MEI4: variants seen among roughly 807,000 people sequenced by gnomAD.
MEI4 encodes meiotic double-stranded break formation protein 4.
MEI4 carries 27 observed loss-of-function variants against 31.4 expected under a neutral mutation model. The observed-to-expected ratio is 0.86, with a 90% CI of 0.63 to 1.19. MEI4 has a LOEUF of 1.19. MEI4 is among the 50% of genes most tolerant of loss of function. The pLI is 0.00. For synonymous variants in MEI4, 122 were observed against 145.4 expected (o/e 0.84, Z 1.16); for missense variants, 329 against 398.9 (o/e 0.82, Z 1.49).
intron 4 of MEI4, among the ~76,000 whole-genome samples, chr6:77,833,157 C>A (rs576412353): frequency 7.9e-5 from 12 of 151,292 alleles, no homozygotes; most frequent in Admixed American, 2.6e-4. Context: ...TTTTTAGTAG[C>A]AGCATTTTCT....
chr6:77,742,026 A>G (rs1483848927), intron 2 of MEI4, among the ~76,000 whole-genome samples: 1 of 151,770 alleles, frequency 6.6e-6, no homozygotes, highest in Non-Finnish European at 1.5e-5. Context: ...TCATTGTTGG[A>G]CATTTGGCTT....
chr6:77,802,069 T>G (rs368721865), intron 3 of MEI4, among the ~76,000 whole-genome samples: 4 of 152,026 alleles, frequency 2.6e-5, no homozygotes, highest in South Asian at 2.1e-4. Context: ...TGACAGTGGG[T>G]TGTTAAAGTC....
rs554905943 is a variant in MEI4, at chr6:77,907,437, T to G, written c.901-15652T>G. ...TTTGCTGAGAATGATGGTTTCCAGC[T>G]TCATCCATGTCCCTACAAAGGACAT... On this transcript the variant is annotated intron_variant, in intron 4 of 4. Transcript: ENST00000684080. Among the ~76,000 whole-genome samples, 129 of 152,264 alleles carry G rather than the reference T, an allele frequency of 8.5e-4. 2 individuals are homozygous for G. The highest frequency in any genetic ancestry group is 2.1e-3 in the Admixed American group (32 of 15,282).
intron 2 of MEI4, among the ~76,000 whole-genome samples, chr6:77,750,572 A>G (rs1177317092): frequency 6.6e-6 from 1 of 152,206 alleles, no homozygotes; most frequent in Non-Finnish European, 1.5e-5. Context: ...AGAGCTAATT[A>G]TCCTAAATAT....
At chr6:77,716,997 C>A in intron 2 of MEI4, 1 of 197,762 alleles carries the variant, frequency 5.1e-6, no homozygotes, top group Non-Finnish European at 9.0e-6. Context: ...TAAGGTGGGA[C>A]GAGAGATTTG....
upstream of MEI4, among the ~76,000 whole-genome samples, chr6:77,651,888 T>A (rs943655282): frequency 6.6e-6 from 1 of 152,214 alleles, no homozygotes; most frequent in African/African-American, 2.4e-5. Flanking sequence ...TGGAATCAGC[T>A]TTGCAAAAAA....
intron 4 of MEI4, among the ~76,000 whole-genome samples, chr6:77,889,693 G>A (rs1461944659): frequency 6.6e-6 from 1 of 152,236 alleles, no homozygotes; most frequent in East Asian, 1.9e-4. Context: ...AGCATGTCAA[G>A]ACCATCATGG....
intron 3 of MEI4, among the ~76,000 whole-genome samples, chr6:77,815,625 T>C (rs1769671112): frequency 6.6e-6 from 1 of 152,096 alleles, no homozygotes; most frequent in Non-Finnish European, 1.5e-5. Context: ...CACAGACATA[T>C]CTGACCTTGC....
chr6:77,858,678 C>G (rs1562014522), intron 4 of MEI4, among the ~76,000 whole-genome samples: 1 of 151,956 alleles, frequency 6.6e-6, no homozygotes, highest in African/African-American at 2.4e-5. Flanking sequence ...TTTTTAAAAG[C>G]CTGATTTAGA....
At chr6:77,656,934 C>T (rs145720270) in intron 1 of MEI4, among the ~76,000 whole-genome samples, 2 of 152,112 alleles carry the variant, frequency 1.3e-5, no homozygotes, top group Non-Finnish European at 2.9e-5. Flanking sequence ...AATCAGTTTC[C>T]CAAAACCAAA....
intron 3 of MEI4, among the ~76,000 whole-genome samples, chr6:77,764,635 A>G (rs1768124074): frequency 6.6e-6 from 1 of 152,194 alleles, no homozygotes; most frequent in African/African-American, 2.4e-5. Context: ...AGAACTTTCC[A>G]GTCAACAGCA....
upstream of MEI4, among the ~76,000 whole-genome samples, chr6:77,651,832 T>C (rs1768305365): frequency 6.6e-6 from 1 of 152,208 alleles, no homozygotes; most frequent in Admixed American, 6.5e-5. Flanking sequence ...ACCATGAGTA[T>C]GTTTTTTATT....
intron 3 of MEI4, among the ~76,000 whole-genome samples, chr6:77,808,593 C>G (rs1401232973): frequency 6.6e-6 from 1 of 152,068 alleles, no homozygotes; most frequent in East Asian, 1.9e-4. Flanking sequence ...AAAAGGAGGT[C>G]AGGCAACAGA....
At chr6:77,906,655 G>A (rs1373603650) in intron 4 of MEI4, among the ~76,000 whole-genome samples, 9 of 152,172 alleles carry the variant, frequency 5.9e-5, no homozygotes, top group East Asian at 1.9e-4. Flanking sequence ...ACTGGAGTCC[G>A]ATGAGTTGGT....
intron 3 of MEI4, among the ~76,000 whole-genome samples, chr6:77,816,286 G>A (rs1769688382): frequency 6.6e-6 from 1 of 152,006 alleles, no homozygotes; most frequent in African/African-American, 2.4e-5. Flanking sequence ...ATATTTCATT[G>A]TTTTTTAAAA....
Position 77,926,949 on chromosome 6 carries a change from T to C in MEI4, c.*3603T>C, listed in dbSNP as rs1269068304. 1 of 151,896 alleles carries C rather than the reference T, an allele frequency of 6.6e-6. No homozygotes were observed. Among genetic ancestry groups the C allele is most frequent in the Non-Finnish European group, 1.5e-5 (1 of 67,896 alleles). 9.4% of individuals were successfully genotyped at this position (151,896 alleles called of 1,614,324 possible). On this transcript the variant is annotated 3_prime_UTR_variant, in exon 5 of 5. Transcript: ENST00000684080. ...ATAGAATTGTATAATACAAAATTTATCTGGTTAATAAATATACTGGTCTTG... is the reference window on the plus strand; with the variant it reads ...ATAGAATTGTATAATACAAAATTTACCTGGTTAATAAATATACTGGTCTTG...
At chr6:77,868,723 A>T (rs1771124504) in intron 4 of MEI4, among the ~76,000 whole-genome samples, 1 of 151,768 alleles carries the variant, frequency 6.6e-6, no homozygotes, top group African/African-American at 2.4e-5. Flanking sequence ...TCAGAGTTTA[A>T]AAAGAAAGAG....
At chr6:77,711,583 C>A (rs1033288018) in intron 2 of MEI4, among the ~76,000 whole-genome samples, 4 of 152,076 alleles carry the variant, frequency 2.6e-5, no homozygotes, top group African/African-American at 9.7e-5. Context: ...GTTCTGTGGG[C>A]AGCTGGAGGT....
chr6:77,684,437 T>C (rs1248212820), intron 1 of MEI4, among the ~76,000 whole-genome samples: 1 of 150,822 alleles, frequency 6.6e-6, no homozygotes, highest in Admixed American at 6.7e-5. Flanking sequence ...TAGTAGGTCT[T>C]ATTCATTCTG....
Sources: allele counts gnomAD v4.1 joint callset (sites outside exome capture counted in the v4.1 genomes callset), GRCh38; gene constraint gnomAD v4.1.1; transcripts MANE v1.5; gene names NCBI Gene and HGNC (gene_info 2026-07-23, HGNC 2026-07-21).